The following COMMD3 variants were observed in gnomAD, a reference collection of about 807,000 sequenced individuals.
The protein encoded by COMMD3 is COMM domain containing 3.
In COMMD3, 31 loss-of-function variants were observed where a neutral mutation model predicts 31.2. That is an observed-to-expected ratio of 0.99 (90% confidence interval 0.75 to 1.34). The LOEUF (loss-of-function observed/expected upper bound fraction) is 1.34. COMMD3 is among the 40% of genes most tolerant of loss of function. COMMD3 has a pLI of 0.00. For synonymous variants in COMMD3, 108 were observed against 87.3 expected, an observed-to-expected ratio of 1.24 and a Z score of -1.32; for missense variants, 274 against 236.9, an observed-to-expected ratio of 1.16 and a Z score of -1.03.
At chr10:22,316,669 C>A in intron 1 of COMMD3, 113 bp downstream of exon 1, 1 of 1,360,282 alleles carries the variant, frequency 7.4e-7, no homozygotes, top group Non-Finnish European at 9.5e-7. Context: ...AGTCTCCGGG[C>A]TTTGCCCTTC....
Position 22,317,932 on chromosome 10 carries a change from A to G in COMMD3, c.188A>G (p.His63Arg), listed in dbSNP as rs748214105. 2.5e-6 allele frequency: 4 copies of G among 1,614,062 alleles called. No homozygotes were observed. Among genetic ancestry groups the G allele is most frequent in the South Asian group, 2.2e-5 (2 of 91,088 alleles). Residue 63 changes from histidine to arginine, a missense_variant, in exon 2 of 8, where the codon CAT becomes CGT. Coordinates refer to ENST00000376836, the MANE Select transcript of COMMD3 (RefSeq NM_012071.4). ...GACCCAGTGGTTTTAAAACATTGTC[A>G]TGCAGCAGCTGCAACTTACATACTA... Reference protein sequence around the residue: ...HIDPVVLKHCHAAAATYILEA... With the variant: ...HIDPVVLKHCRAAAATYILEA...
At position 22,316,563 on chromosome 10, in the gene COMMD3, C is replaced by CTCG; in HGVS notation, c.139+7_139+8insTCG. The CTCG allele has an allele frequency of 1.3e-6, 2 of 1,544,890 alleles. No homozygotes were observed. The highest frequency in any genetic ancestry group is 1.7e-6 in the Non-Finnish European group (2 of 1,143,692). On this transcript the variant is annotated splice_region_variant and intron_variant, in intron 1 of 7. Coordinates refer to ENST00000376836, the MANE Select transcript of COMMD3 (RefSeq NM_012071.4). ...GCGGACGAGGCCGTGTTAGGTAAGC[C>CTCG]GCTCGGCTCGGCTCGGAGCTGGATC...
In COMMD3 at chr10:22,318,861, A is replaced by C. The variant is rs761589455; in HGVS notation, c.467A>C (p.Gln156Pro). 10 of 1,613,738 alleles carry C rather than the reference A, an allele frequency of 6.2e-6. No homozygotes were observed. Among genetic ancestry groups the C allele is most frequent in the Non-Finnish European group, 8.5e-6 (10 of 1,179,708 alleles). ...RPAYLVTLSV[Q>P]NTDSPSYPEI... ...GCATATTTGGTGACCTTAAGTGTAC[A>C]GGTATTTATAGATAAGTCTTATCCA... Residue 156 changes from glutamine (Q) to proline (P), a missense_variant and splice_region_variant, in exon 6 of 8, where the codon CAG becomes CCG. By Grantham distance (76) the Gln-to-Pro change is moderately conservative. Transcript: ENST00000376836.
chr10:22,318,496 C>A, intron 4 of COMMD3, 157 bp from the exon 5 acceptor site: 1 of 1,069,812 alleles, frequency 9.3e-7, no homozygotes, highest in South Asian at 1.6e-5. Flanking sequence ...TGCTCCTTTA[C>A]CATTCATAAT....
rs1464298190 is a variant in COMMD3, at chr10:22,317,978, T to C, written c.234T>C (p.Ala78=). The change falls in exon 2 of 8, where the codon GCT becomes GCC. Residue 78 remains alanine (A), a synonymous_variant. Transcript: ENST00000376836. ...TACTAGAGGCAGGAAAGCACCGAGC[T>C]GACAAGTCAACTCTAAGGTACAGGA... ...TYILEAGKHR[A]DKSTLSTYLE... The C allele has an allele frequency of 3.7e-6, 6 of 1,613,994 alleles. No individual in the cohort carries two copies. Among genetic ancestry groups the C allele is most frequent in the Non-Finnish European group, 5.1e-6 (6 of 1,179,912 alleles).
intron 7 of COMMD3, 86 bp from the exon 8 acceptor site, chr10:22,319,853 A>AT (rs1391618881): frequency 1.9e-5 from 29 of 1,537,610 alleles, no homozygotes; most frequent in East Asian, 1.1e-4. Flanking sequence ...GTGTGTCCTG[A>AT]TTTTTTTTCT....
At position 22,318,119 on chromosome 10, in the gene COMMD3, A is replaced by G. The variant is rs1835888635; in HGVS notation, c.266A>G (p.Asp89Gly). ...DKSTLSTYLE[D>G]CKFDRERIEL... The stretch of plus-strand genomic sequence containing the variant: ...CTTTCTTCTAGCACTTATCTAGAAG[A>G]CTGTAAATTTGACAGAGAGCGAATA... The change falls in exon 3 of 8, where the codon GAC becomes GGC. Residue 89 changes from aspartate (D) to glycine (G), a missense_variant. Transcript: ENST00000376836. The G allele has an allele frequency of 2.5e-6, 4 of 1,612,648 alleles. No homozygotes were observed. The South Asian group carries it at 4.4e-5, about 18-fold the overall frequency.
At position 22,318,176 on chromosome 10, in the gene COMMD3, A is replaced by C. The variant is rs368106448; in HGVS notation, c.315+8A>C. On this transcript the variant is annotated splice_region_variant and intron_variant, in intron 3 of 7. Coordinates refer to ENST00000376836, the MANE Select transcript of COMMD3 (RefSeq NM_012071.4). ...TTTTGCACGGAATATCAGGTTACTT[A>C]CTTTAAAATTTTTAATTAACAGTAC... 2.5e-6 allele frequency: 4 copies of C among 1,605,654 alleles called. No individual in the cohort carries two copies. The highest frequency in any genetic ancestry group is 3.4e-6 in the Non-Finnish European group (4 of 1,177,954).
intron 1 of COMMD3, chr10:22,317,629 T>C: frequency 3.4e-6 from 1 of 296,450 alleles, no homozygotes; most frequent in Non-Finnish European, 6.3e-6. Context: ...GGGGCTATAA[T>C]ATTTTTTAAT....
Position 22,318,981 on chromosome 10 carries a change from C to G in COMMD3, c.491C>G (p.Pro164Arg), listed in dbSNP as rs1318184738. Residue 164 changes from proline (P) to arginine (R), a missense_variant, in exon 7 of 8, where the codon CCA (proline) becomes CGA (arginine). Coordinates refer to ENST00000376836, the MANE Select transcript of COMMD3 (RefSeq NM_012071.4). ...SVQNTDSPSY[P>R]EISFSCSMEQ... ...TAGAACACTGATTCCCCATCCTATC[C>G]AGAGATTAGTTTTAGTTGCAGCATG... The G allele has an allele frequency of 6.2e-7, 1 of 1,612,490 alleles. No homozygotes were observed. The highest frequency in any genetic ancestry group is 1.7e-5 in the Admixed American group (1 of 59,662).
In COMMD3 at chr10:22,318,789, T is replaced by C. The variant is rs990765379; in HGVS notation, c.412-17T>C. On this transcript the variant is annotated splice_polypyrimidine_tract_variant and intron_variant, in intron 5 of 7. Coordinates refer to ENST00000376836, the MANE Select transcript of COMMD3 (RefSeq NM_012071.4). ...CCTAGAGTTAAAAGCTGTTGCGTGT[T>C]TGTTGTGTTATTTTAGACCAATCAA... 2 of 1,613,980 alleles carry C rather than the reference T, an allele frequency of 1.2e-6. No homozygotes were observed. The highest frequency in any genetic ancestry group is 1.7e-6 in the Non-Finnish European group (2 of 1,179,908).
chr10:22,319,727 A>T, intron 7 of COMMD3: 1 of 546,274 alleles, frequency 1.8e-6, no homozygotes, highest in East Asian at 3.2e-5. Context: ...ATCATGTTTC[A>T]GTGTGAGGGC....
At chr10:22,319,908 A>C (rs369978196) in intron 7 of COMMD3, 31 bp from the exon 8 acceptor site, 1 of 1,611,282 alleles carries the variant, frequency 6.2e-7, no homozygotes, top group Non-Finnish European at 8.5e-7. Context: ...GTTTTATCCT[A>C]AAAACGTGGT....
rs1835852196 is a variant in COMMD3, at chr10:22,316,506, G to A, written c.89G>A (p.Arg30Gln). 6.5e-7 allele frequency: 1 copy of A among 1,550,232 alleles called. No homozygotes were observed. ...FDSNAFTLLL[R>Q]AAFQSLLDAQ... ...TCCAACGCCTTCACGCTTCTCCTCC[G>A]GGCGGCATTCCAGAGTCTGCTGGAC... The change falls in exon 1 of 8, where the codon CGG (arginine) becomes CAG (glutamine). Residue 30 changes from arginine (R) to glutamine (Q), a missense_variant. Transcript: ENST00000376836.
rs750365041 is a variant in COMMD3, at chr10:22,318,183, A to C, written c.315+15A>C. 1.9e-6 allele frequency: 3 copies of C among 1,604,360 alleles called. No individual in the cohort carries two copies. Among genetic ancestry groups the C allele is most frequent in the South Asian group, 2.3e-5 (2 of 88,576 alleles). ...CGGAATATCAGGTTACTTACTTTAA[A>C]ATTTTTAATTAACAGTACTATTTTT... On this transcript the variant is annotated intron_variant, in intron 3 of 7. Coordinates refer to ENST00000376836, the MANE Select transcript of COMMD3 (RefSeq NM_012071.4).
At chr10:22,318,464 G>A in intron 4 of COMMD3, 158 bp downstream of exon 4, 2 of 1,172,344 alleles carry the variant, frequency 1.7e-6, no homozygotes, top group Non-Finnish European at 2.4e-6. Context: ...TTTAAAGATC[G>A]TTTATTGAGA....
At chr10:22,319,210 T>TTAA (rs769948209) in intron 7 of COMMD3, 192 bp downstream of exon 7, 24 of 587,592 alleles carry the variant, frequency 4.1e-5, no homozygotes, top group Non-Finnish European at 5.6e-5. Context: ...ATTAAGATGT[T>TTAA]ATTAATAGAG....
At chr10:22,319,154 G>A (rs941274067) in intron 7 of COMMD3, 136 bp downstream of exon 7, 1 of 945,332 alleles carries the variant, frequency 1.1e-6, no homozygotes, top group Non-Finnish European at 1.5e-6. Context: ...GGATTTAATG[G>A]GAAAGGGGCA....
Position 22,320,196 on chromosome 10 carries a change from G to T in COMMD3, c.*198G>T. The T allele has an allele frequency of 7.1e-7, 1 of 1,402,870 alleles. No individual in the cohort carries two copies. The highest frequency in any genetic ancestry group is 9.5e-7 in the Non-Finnish European group (1 of 1,052,496). 86.9% of individuals were successfully genotyped at this position (1,402,870 alleles called of 1,614,324 possible). ...AGGGAAAGATACTGCCCAAGTATTT[G>T]AATCGTTTAGTAGTAACTGTCCATT... is the stretch of plus-strand genomic sequence containing the variant. On this transcript the variant is annotated 3_prime_UTR_variant, in exon 8 of 8. Coordinates refer to ENST00000376836, the MANE Select transcript of COMMD3 (RefSeq NM_012071.4).
Sources: allele counts gnomAD v4.1 joint callset, GRCh38; gene constraint gnomAD v4.1.1; transcripts MANE v1.5; gene names NCBI Gene and HGNC (gene_info 2026-07-23, HGNC 2026-07-21).